Variants in TNRC6A observed in about 807,000 individuals in gnomAD.
The protein encoded by TNRC6A is trinucleotide repeat containing adaptor 6A, also known as trinucleotide repeat-containing gene 6A protein.
Under a neutral mutation model 221.2 loss-of-function variants are expected in TNRC6A, and 44 were observed. The ratio of observed to expected loss-of-function variants is 0.20; its 90% CI spans 0.16 to 0.26. TNRC6A has a LOEUF of 0.26. Among genes scored for constraint, TNRC6A ranks in the 10% least tolerant of loss-of-function variants. The pLI is 1.00. For missense variants in TNRC6A, 2,199 were observed against 2,404.4 expected (o/e 0.91, Z 1.79); for synonymous variants, 847 against 838.5 (o/e 1.01, Z -0.18).
At chr16:24,700,237 T>C (rs2055942725) in intron 2 of TNRC6A, among the ~76,000 whole-genome samples, 1 of 151,804 alleles carries the variant, frequency 6.6e-6, no homozygotes, top group Admixed American at 6.6e-5. Flanking sequence ...TGTGTCTGAA[T>C]TTTTCTTTTT....
chr16:24,801,851 G>C (rs8055590), intron 11 of TNRC6A, among the ~76,000 whole-genome samples: 122,992 of 152,186 alleles, frequency 0.81, 50,240 homozygotes, highest in African/African-American at 0.94. Flanking sequence ...TGGAGAGAGA[G>C]TTAGGAGAAC....
chr16:24,702,863 G>A (rs965066124), intron 2 of TNRC6A, among the ~76,000 whole-genome samples: 11 of 147,410 alleles, frequency 7.5e-5, no homozygotes, highest in Admixed American at 2.0e-4. Flanking sequence ...GTGAAACACC[G>A]TCCCTACTAA....
intron 2 of TNRC6A, among the ~76,000 whole-genome samples, chr16:24,695,398 ATAT>A (rs1221838174): frequency 1.3e-5 from 2 of 151,916 alleles, no homozygotes; most frequent in African/African-American, 4.8e-5. Flanking sequence ...ATACATATAT[ATAT>A]TTTTTGTTTT....
In TNRC6A at chr16:24,822,976, A is replaced by G. The variant is rs1355976428; in HGVS notation, c.5476A>G (p.Lys1826Glu). Residue 1826 changes from lysine to glutamate, a missense_variant, in exon 24 of 25, where the codon AAA (lysine) becomes GAA (glutamate). Physicochemically the swap from Lys to Glu is moderately conservative, Grantham distance 56 (BLOSUM62 1). Coordinates refer to ENST00000395799, the MANE Select transcript of TNRC6A (RefSeq NM_014494.4). ...HGNALVRYSS[K>E]EEVVKAQKSL... ...AAATGCTCTGGTCCGCTACAGTTCAAAAGAAGAGGTAGTGAAGGCACAAAA... is the reference window on the plus strand; with the variant it reads ...AAATGCTCTGGTCCGCTACAGTTCAGAAGAAGAGGTAGTGAAGGCACAAAA... 6.2e-7 allele frequency: 1 copy of G among 1,614,146 alleles called. No homozygotes were observed. The highest frequency in any genetic ancestry group is 1.3e-5 in the African/African-American group (1 of 74,948).
At chr16:24,745,933 G>T (rs1339157725) in intron 2 of TNRC6A, among the ~76,000 whole-genome samples, 1 of 151,918 alleles carries the variant, frequency 6.6e-6, no homozygotes, top group Non-Finnish European at 1.5e-5. Flanking sequence ...TCTCACCCTT[G>T]TTTTTGCCAA....
intron 2 of TNRC6A, among the ~76,000 whole-genome samples, chr16:24,696,071 G>A (rs547753234): frequency 2.0e-5 from 3 of 152,134 alleles, no homozygotes; most frequent in East Asian, 1.9e-4. Flanking sequence ...TATGAGGGCC[G>A]AGAGCGGTGG....
intron 2 of TNRC6A, among the ~76,000 whole-genome samples, chr16:24,676,108 G>A (rs1238598681): frequency 2.0e-5 from 3 of 151,840 alleles, no homozygotes; most frequent in South Asian, 4.2e-4. Context: ...TCATATATGT[G>A]CCAATAAGAT....
intron 2 of TNRC6A, among the ~76,000 whole-genome samples, chr16:24,700,634 T>C (rs934064668): frequency 3.3e-5 from 5 of 152,090 alleles, no homozygotes; most frequent in Non-Finnish European, 5.9e-5. Context: ...TAATGACCTA[T>C]GGATCTTCGT....
chr16:24,715,932 A>G (rs777992851), intron 2 of TNRC6A, among the ~76,000 whole-genome samples: 11 of 151,840 alleles, frequency 7.2e-5, no homozygotes, highest in Non-Finnish European at 1.6e-4. Flanking sequence ...ATTCTTGAGT[A>G]GTTTTATGGC....
chr16:24,695,460 C>T (rs778111024), intron 2 of TNRC6A, among the ~76,000 whole-genome samples: 3 of 152,154 alleles, frequency 2.0e-5, no homozygotes, highest in Admixed American at 6.5e-5. Context: ...AGTACAGTGG[C>T]GCAATCTTGG....
intron 4 of TNRC6A, among the ~76,000 whole-genome samples, chr16:24,768,626 A>C (rs2057526405): frequency 6.6e-6 from 1 of 152,126 alleles, no homozygotes; most frequent in African/African-American, 2.4e-5. Flanking sequence ...TAGCAATTTT[A>C]GGTAAATTTA....
intron 11 of TNRC6A, among the ~76,000 whole-genome samples, chr16:24,801,696 G>A (rs2058334678): frequency 6.6e-6 from 1 of 152,138 alleles, no homozygotes; most frequent in Non-Finnish European, 1.5e-5. Context: ...CACCGTGTTG[G>A]CCAAACTGGT....
chr16:24,628,473 G>C (rs531967357), intron 1 of TNRC6A, among the ~76,000 whole-genome samples: 162 of 152,040 alleles, frequency 1.1e-3, no homozygotes, highest in Non-Finnish European at 1.8e-3. Context: ...TGCCTCTTCT[G>C]TCTCCCTTTC....
intron 2 of TNRC6A, among the ~76,000 whole-genome samples, chr16:24,670,440 G>C (rs1197834074): frequency 6.6e-6 from 1 of 152,116 alleles, no homozygotes; most frequent in African/African-American, 2.4e-5. Flanking sequence ...GCAATGCGTT[G>C]CACCTTTCTG....
At chr16:24,661,753 T>A (rs1567334221) in intron 2 of TNRC6A, 1 of 152,188 alleles carries the variant, frequency 6.6e-6, no homozygotes, top group Non-Finnish European at 1.5e-5. Context: ...GTAGTGTAAA[T>A]GTGTCACACT....
At chr16:24,817,110 G>A (rs185120889) in intron 20 of TNRC6A, among the ~76,000 whole-genome samples, 154 bp downstream of exon 20, 1 of 152,220 alleles carries the variant, frequency 6.6e-6, no homozygotes, top group East Asian at 1.9e-4. Context: ...ACATAGTTGT[G>A]GGACCCTGTC....
chr16:24,675,082 G>A (rs2055380978), intron 2 of TNRC6A, among the ~76,000 whole-genome samples: 3 of 152,148 alleles, frequency 2.0e-5, no homozygotes, highest in Non-Finnish European at 2.9e-5. Flanking sequence ...GGAGTTCAAG[G>A]TCGCAGTCAG....
At position 24,729,995 on chromosome 16, in the gene TNRC6A, C is replaced by T. The variant is rs936420919; in HGVS notation, c.5+149C>T. 26 of 752,688 alleles carry T rather than the reference C, an allele frequency of 3.5e-5. No homozygotes were observed. The African/African-American group carries it at 4.4e-4, about 13-fold the overall frequency. The allele number at this position is 752,688 out of a possible 1,614,324, so 46.6% of individuals were successfully genotyped here. On this transcript the variant is annotated intron_variant, in intron 1 of 24. Coordinates refer to ENST00000395799, the MANE Select transcript of TNRC6A (RefSeq NM_014494.4). ...CGGGAGGGCGCAGGCTGCGTTGCTG[C>T]GGAGGCCGAGCGGGCGGCCCGGGGG...
At chr16:24,807,484 T>C (rs2058458526) in intron 17 of TNRC6A, among the ~76,000 whole-genome samples, 1 of 152,206 alleles carries the variant, frequency 6.6e-6, no homozygotes, top group Admixed American at 6.5e-5. Flanking sequence ...AGTGCTGTTT[T>C]GGTGAAACAG....
Sources: allele counts gnomAD v4.1 joint callset (sites outside exome capture counted in the v4.1 genomes callset), GRCh38; gene constraint gnomAD v4.1.1; transcripts MANE v1.5; gene names NCBI Gene and HGNC (gene_info 2026-07-23, HGNC 2026-07-21).